The following LRMDA variants were observed in gnomAD, a reference collection of about 807,000 sequenced individuals.
The protein encoded by LRMDA is leucine-rich melanocyte differentiation-associated protein.
LRMDA carries 18 observed loss-of-function variants against 29.8 expected under a neutral mutation model. That is an observed-to-expected ratio of 0.60 (90% confidence interval 0.42 to 0.90). LRMDA has a LOEUF of 0.90. Ranked by LOEUF, LRMDA falls within the 40% of genes least tolerant of loss-of-function variation. The probability of loss-of-function intolerance (pLI) is 0.00; values close to 1 mark genes in which losing one functional copy is unlikely to be tolerated. For synonymous variants in LRMDA, 125 were observed against 109.4 expected (o/e 1.14, Z -0.89); for missense variants, 273 against 273.9 (o/e 1.00, Z 0.02).
chr10:75,941,339 G>A (rs912704674), intron 2 of LRMDA, among the ~76,000 whole-genome samples: 7 of 152,182 alleles, frequency 4.6e-5, no homozygotes, highest in East Asian at 1.9e-4. Flanking sequence ...TGTGAAAAGA[G>A]AGTGCTCTAT....
chr10:75,529,750 G>T (rs947990132), intron 2 of LRMDA, among the ~76,000 whole-genome samples: 3 of 152,156 alleles, frequency 2.0e-5, no homozygotes, highest in African/African-American at 7.2e-5. Context: ...GTGTAGGAAA[G>T]AATTAGTTTT....
chr10:75,749,678 G>A (rs867809554), intron 2 of LRMDA, among the ~76,000 whole-genome samples: 2 of 151,274 alleles, frequency 1.3e-5, no homozygotes, highest in South Asian at 4.2e-4. Flanking sequence ...TTCTCGGAGA[G>A]GGGGATTTGG....
chr10:75,836,019 C>A (rs1379572103), intron 2 of LRMDA, among the ~76,000 whole-genome samples: 1 of 152,118 alleles, frequency 6.6e-6, no homozygotes, highest in Admixed American at 6.5e-5. Context: ...TCTTAGAAGG[C>A]ACTTGCACTG....
chr10:75,963,988 G>T (rs1456080533), intron 2 of LRMDA, among the ~76,000 whole-genome samples: 1 of 152,174 alleles, frequency 6.6e-6, no homozygotes, highest in East Asian at 1.9e-4. Context: ...ACCTGGTAAT[G>T]ATCACTACTG....
chr10:76,249,693 A>G (rs1436211212), intron 5 of LRMDA, among the ~76,000 whole-genome samples: 1 of 152,204 alleles, frequency 6.6e-6, no homozygotes, highest in Admixed American at 6.5e-5. Flanking sequence ...AATATTTTTT[A>G]ATAGGTCACA....
At chr10:75,656,534 TTGAG>T (rs1841677005) in intron 2 of LRMDA, among the ~76,000 whole-genome samples, 1 of 152,188 alleles carries the variant, frequency 6.6e-6, no homozygotes, top group Admixed American at 6.5e-5. Flanking sequence ...GTAAGGCTGA[TTGAG>T]TGAGGGAGTC....
At chr10:76,148,025 T>C (rs1257570634) in intron 5 of LRMDA, among the ~76,000 whole-genome samples, 1 of 152,216 alleles carries the variant, frequency 6.6e-6, no homozygotes, top group Non-Finnish European at 1.5e-5. Context: ...CAAATGCTGC[T>C]GCCTGGTTGT....
intron 2 of LRMDA, among the ~76,000 whole-genome samples, chr10:75,655,302 T>G (rs186939474): frequency 6.6e-6 from 1 of 152,326 alleles, no homozygotes. Flanking sequence ...TCTCTAAGGA[T>G]TTTGACATTT....
chr10:75,447,641 G>C (rs964937075), intron 2 of LRMDA, among the ~76,000 whole-genome samples: 2 of 152,174 alleles, frequency 1.3e-5, no homozygotes. Flanking sequence ...GGGCGTGGTG[G>C]CTCACACCTG....
At chr10:76,285,055 T>A (rs1331486878) in intron 5 of LRMDA, among the ~76,000 whole-genome samples, 2 of 152,170 alleles carry the variant, frequency 1.3e-5, no homozygotes, top group South Asian at 4.1e-4. Flanking sequence ...TTCCCCATTC[T>A]CCCCTCTTTT....
intron 5 of LRMDA, among the ~76,000 whole-genome samples, chr10:76,074,741 T>G (rs1345847448): frequency 6.6e-6 from 1 of 152,216 alleles, no homozygotes; most frequent in Admixed American, 6.5e-5. Flanking sequence ...GCCTGTCATT[T>G]TTTTTTCCTC....
In LRMDA at chr10:76,243,810, G is replaced by C. The variant is rs148568400; in HGVS notation, c.517-80591G>C. ...CTTTGCCATAGTGGGTTGAGTGGTA[G>C]CCCCCCCAAAATATATCGCTCCATC... On this transcript the variant is annotated intron_variant, in intron 5 of 6. Transcript: ENST00000611255. 3.3e-5 allele frequency among the ~76,000 whole-genome samples: 5 copies of C among 152,182 alleles called. No homozygotes were observed. The East Asian group carries it at 9.7e-4, about 29-fold the overall frequency.
intron 6 of LRMDA, among the ~76,000 whole-genome samples, chr10:76,389,958 T>C (rs1041398343): frequency 6.6e-6 from 1 of 152,210 alleles, no homozygotes; most frequent in African/African-American, 2.4e-5. Flanking sequence ...TTAAGACCTA[T>C]AGATAAATCT....
At chr10:76,087,349 C>T (rs10824362) in intron 5 of LRMDA, among the ~76,000 whole-genome samples, 10,376 of 152,236 alleles carry the variant, frequency 0.068, 921 homozygotes, top group East Asian at 0.44. Flanking sequence ...TCTCTACAAA[C>T]AGAGTGGGGA....
intron 4 of LRMDA, among the ~76,000 whole-genome samples, chr10:76,054,513 A>T (rs1461829997): frequency 2.0e-5 from 3 of 151,882 alleles, no homozygotes; most frequent in Non-Finnish European, 4.4e-5. Flanking sequence ...GTCTGTTGTC[A>T]TCATGGTTCC....
intron 2 of LRMDA, among the ~76,000 whole-genome samples, chr10:75,992,593 C>T (rs933740849): frequency 6.6e-6 from 1 of 152,148 alleles, no homozygotes; most frequent in African/African-American, 2.4e-5. Flanking sequence ...TGGACGTTTC[C>T]TGACTTCAGA....
At chr10:76,532,635 C>T (rs1295002911) in intron 6 of LRMDA, among the ~76,000 whole-genome samples, 2 of 152,028 alleles carry the variant, frequency 1.3e-5, no homozygotes, top group African/African-American at 2.4e-5. Flanking sequence ...TTAATTCTGC[C>T]AAGGGGAAAT....
intron 2 of LRMDA, among the ~76,000 whole-genome samples, chr10:75,877,729 CA>C (rs1342778657): frequency 6.6e-6 from 1 of 152,198 alleles, no homozygotes; most frequent in Admixed American, 6.5e-5. Context: ...AAGCAAAACT[CA>C]GAACCTTCCA....
At chr10:75,499,520 G>A (rs1845087903) in intron 2 of LRMDA, among the ~76,000 whole-genome samples, 1 of 152,212 alleles carries the variant, frequency 6.6e-6, no homozygotes, top group African/African-American at 2.4e-5. Context: ...TCACAGAACT[G>A]TCCTGAAGTT....
Sources: gnomAD v4.1 joint callset for allele counts (sites outside exome capture counted in the v4.1 genomes callset) on GRCh38, gnomAD v4.1.1 for gene constraint, MANE v1.5 for transcripts, NCBI Gene and HGNC (gene_info 2026-07-23, HGNC 2026-07-21) for gene names.